Variants in SPON1 observed in about 807,000 individuals in gnomAD.
SPON1 encodes spondin-1.
Under a neutral mutation model 111.7 loss-of-function variants are expected in SPON1, and 52 were observed. The observed-to-expected ratio is 0.47, with a 90% CI of 0.37 to 0.59. The LOEUF is 0.59. Among genes scored for constraint, SPON1 ranks in the 20% least tolerant of loss-of-function variants. The pLI, the probability that SPON1 is intolerant of heterozygous loss-of-function variation, is 0.00. For missense variants in SPON1, 957 were observed against 1,068.5 expected (o/e 0.90, Z 1.46); for synonymous variants, 410 against 395.8 (o/e 1.04, Z -0.43).
intron 6 of SPON1, among the ~76,000 whole-genome samples, chr11:14,214,486 G>A (rs1161586587): frequency 6.6e-6 from 1 of 152,180 alleles, no homozygotes; most frequent in African/African-American, 2.4e-5. Flanking sequence ...AAGATATTAA[G>A]AGGAGAAAAA....
intron 6 of SPON1, among the ~76,000 whole-genome samples, chr11:14,137,964 T>C (rs1554928322): frequency 6.6e-6 from 1 of 152,236 alleles, no homozygotes; most frequent in Non-Finnish European, 1.5e-5. Context: ...ACACAATTGA[T>C]TTATTTTTTT....
Position 14,160,780 on chromosome 11 carries a change from T to A in SPON1, c.825+25212T>A, listed in dbSNP as rs868936119. On this transcript the variant is annotated intron_variant, in intron 6 of 15. Transcript: ENST00000576479. ...TATATATTTATATATTTATATATAT[T>A]TTTATATATATTTATATATTTTTAT... 2.2e-4 allele frequency among the ~76,000 whole-genome samples: 7 copies of A among 31,348 alleles called. 1 individual carries two copies. Among genetic ancestry groups the A allele is most frequent in the African/African-American group, 7.4e-4 (6 of 8,136 alleles). The allele number at this position is 31,348 out of a possible 152,430, so 20.6% of individuals were successfully genotyped here.
intron 6 of SPON1, among the ~76,000 whole-genome samples, chr11:14,194,939 G>A (rs1442697566): frequency 6.6e-6 from 1 of 152,174 alleles, no homozygotes; most frequent in Non-Finnish European, 1.5e-5. Flanking sequence ...GTAAATTCTT[G>A]AAAATGCTAG....
intron 6 of SPON1, among the ~76,000 whole-genome samples, chr11:14,185,524 T>A (rs1848277206): frequency 6.6e-6 from 1 of 152,234 alleles, no homozygotes; most frequent in Non-Finnish European, 1.5e-5. Flanking sequence ...TCAGTGAAAA[T>A]GTTAGTTAAA....
At chr11:13,988,217 C>A (rs1368443295) in intron 2 of SPON1, among the ~76,000 whole-genome samples, 4 of 152,160 alleles carry the variant, frequency 2.6e-5, no homozygotes, top group Admixed American at 2.6e-4. Context: ...TTTGTGTCCT[C>A]TCTTTTGTCC....
chr11:14,059,386 T>G (rs1554919602), intron 3 of SPON1, among the ~76,000 whole-genome samples: 1 of 151,992 alleles, frequency 6.6e-6, no homozygotes, highest in East Asian at 1.9e-4. Flanking sequence ...ATGTAAAAGG[T>G]GAAAAAGGCT....
intron 6 of SPON1, among the ~76,000 whole-genome samples, chr11:14,188,822 T>G (rs1554934312): frequency 6.6e-6 from 1 of 152,180 alleles, no homozygotes; most frequent in African/African-American, 2.4e-5. Flanking sequence ...AGGGTAGTTG[T>G]GAGGCTTAAA....
chr11:14,073,692 G>GGT (rs1172973984), intron 3 of SPON1, among the ~76,000 whole-genome samples: 16 of 152,240 alleles, frequency 1.1e-4, no homozygotes, highest in Admixed American at 4.6e-4. Context: ...CTTTAATCAA[G>GGT]GTTGTGTTAA....
chr11:14,131,324 G>A (rs112821058), intron 5 of SPON1, among the ~76,000 whole-genome samples: 3,730 of 151,964 alleles, frequency 0.025, 157 homozygotes, highest in African/African-American at 0.084. Flanking sequence ...CAGTTTCTTC[G>A]TATGTAACAT....
At chr11:14,235,679 A>C (rs1554939143) in intron 6 of SPON1, among the ~76,000 whole-genome samples, 1 of 7,308 alleles carries the variant, frequency 1.4e-4, no homozygotes, top group African/African-American at 3.5e-4. Flanking sequence ...ACCCTGCCTC[A>C]AAAAAAAAAA....
At chr11:13,979,912 TG>T (rs1368054556) in intron 1 of SPON1, among the ~76,000 whole-genome samples, 4 of 152,216 alleles carry the variant, frequency 2.6e-5, no homozygotes, top group Non-Finnish European at 5.9e-5. Flanking sequence ...GACTGCTTTT[TG>T]GCTGTCTGTC....
chr11:13,967,671 G>T (rs1181226252), intron 1 of SPON1, among the ~76,000 whole-genome samples: 1 of 152,124 alleles, frequency 6.6e-6, no homozygotes, highest in Non-Finnish European at 1.5e-5. Flanking sequence ...ACAAGATGAG[G>T]TCTTTTAAAT....
At chr11:14,010,036 A>G (rs1848391979) in intron 2 of SPON1, among the ~76,000 whole-genome samples, 1 of 152,326 alleles carries the variant, frequency 6.6e-6, no homozygotes, top group East Asian at 1.9e-4. Context: ...TGCTTAGCAT[A>G]CTGTCTGACA....
intron 2 of SPON1, among the ~76,000 whole-genome samples, chr11:13,991,481 T>G (rs1451073840): frequency 2.0e-5 from 3 of 152,200 alleles, no homozygotes; most frequent in Non-Finnish European, 4.4e-5. Flanking sequence ...TCATCTAACC[T>G]TTTTTCAAGG....
At chr11:14,013,231 C>T (rs912893911) in intron 2 of SPON1, among the ~76,000 whole-genome samples, 46 of 152,248 alleles carry the variant, frequency 3.0e-4, no homozygotes, top group Admixed American at 1.3e-4. Flanking sequence ...TTGAATAGAT[C>T]GTCTTTCTGC....
intron 9 of SPON1, among the ~76,000 whole-genome samples, chr11:14,256,271 A>C (rs1402875293): frequency 6.6e-6 from 1 of 152,244 alleles, no homozygotes; most frequent in Non-Finnish European, 1.5e-5. Flanking sequence ...AAAAAAAAAG[A>C]AAATGAGCAA....
intron 6 of SPON1, among the ~76,000 whole-genome samples, chr11:14,210,373 C>CTTTTTTTTT (rs79378171): frequency 5.2e-5 from 7 of 133,704 alleles, no homozygotes; most frequent in South Asian, 2.4e-4. Flanking sequence ...TTTCTTTTTC[C>CTTTTTTTTT]TTTTTTTTTT....
chr11:14,049,033 C>T (rs1342315588), intron 3 of SPON1, among the ~76,000 whole-genome samples: 1 of 152,196 alleles, frequency 6.6e-6, no homozygotes, highest in African/African-American at 2.4e-5. Context: ...ATACTTATTT[C>T]ATCCTCATAG....
chr11:14,181,130 T>C (rs1554933654), intron 6 of SPON1, among the ~76,000 whole-genome samples: 1 of 152,164 alleles, frequency 6.6e-6, no homozygotes, highest in Non-Finnish European at 1.5e-5. Flanking sequence ...AGGAAAAAGA[T>C]TTCTGTCCAA....
Sources: gnomAD v4.1 joint callset for allele counts (sites outside exome capture counted in the v4.1 genomes callset) on GRCh38, gnomAD v4.1.1 for gene constraint, MANE v1.5 for transcripts, NCBI Gene and HGNC (gene_info 2026-07-23, HGNC 2026-07-21) for gene names.